Variants in BACH1 observed in about 807,000 individuals in gnomAD.
BACH1 encodes BTB domain and CNC homolog 1.
In BACH1, 35 loss-of-function variants were observed where a neutral mutation model predicts 52.9. That is an observed-to-expected ratio of 0.66 (90% CI 0.51 to 0.88). BACH1 has a LOEUF of 0.88. Among genes scored for constraint, BACH1 ranks in the 40% least tolerant of loss-of-function variants. BACH1 has a pLI of 0.00. For synonymous variants in BACH1, 321 were observed against 319.6 expected (o/e 1.00, Z -0.05); for missense variants, 808 against 872.6 (o/e 0.93, Z 0.93).
chr21:29,346,761 G>T (rs2089171202), downstream of BACH1, among the ~76,000 whole-genome samples: 2 of 152,222 alleles, frequency 1.3e-5, no homozygotes, highest in African/African-American at 4.8e-5. Flanking sequence ...AAAGTGCTCA[G>T]TTGTGTGAGA....
At chr21:29,358,824 A>G (rs999621601) in intron 2 of BACH1, among the ~76,000 whole-genome samples, 1 of 149,028 alleles carries the variant, frequency 6.7e-6, no homozygotes, top group Non-Finnish European at 1.5e-5. Flanking sequence ...GAAGAAAGAA[A>G]GAAATGTAAA....
intron 3 of BACH1, among the ~76,000 whole-genome samples, chr21:29,328,032 C>G (rs1364906215): frequency 1.3e-5 from 2 of 152,186 alleles, no homozygotes; most frequent in African/African-American, 2.4e-5. Flanking sequence ...TTGATAACTC[C>G]TGGAAAAATG....
chr21:29,352,115 C>T (rs962530320), intron 2 of BACH1, among the ~76,000 whole-genome samples: 19 of 149,396 alleles, frequency 1.3e-4, no homozygotes, highest in Admixed American at 2.0e-4. Context: ...AGTGCAGTGG[C>T]GCGATCAGAG....
At chr21:29,309,897 G>C (rs1181845986) in intron 1 of BACH1, among the ~76,000 whole-genome samples, 1 of 152,108 alleles carries the variant, frequency 6.6e-6, no homozygotes, top group African/African-American at 2.4e-5. Context: ...GATAGGGTGG[G>C]AGCTACCTAC....
At chr21:29,339,446 A>G (rs914373407) in intron 4 of BACH1, among the ~76,000 whole-genome samples, 4 of 152,092 alleles carry the variant, frequency 2.6e-5, no homozygotes, top group Non-Finnish European at 5.9e-5. Flanking sequence ...TTACTAAGGA[A>G]CTATTAGTGA....
chr21:29,327,340 A>G lies in BACH1; in HGVS notation c.1516A>G (p.Thr506Ala), dbSNP rs2088925863. 3 of 1,614,102 alleles carry G rather than the reference A, an allele frequency of 1.9e-6. No individual in the cohort carries two copies. The highest frequency in any genetic ancestry group is 2.5e-6 in the Non-Finnish European group (3 of 1,180,054). The change falls in exon 3 of 5, where the codon ACG (threonine) becomes GCG (alanine). Residue 506 changes from threonine (T) to alanine (A), a missense_variant. By Grantham distance (58) the Thr-to-Ala change is moderately conservative. Transcript: ENST00000286800. Reference sequence around the variant, plus strand: ...CATTAGCTTGGGAGACGACTCTGAGACGGACACCGAAGGAGACAGTGAATC... The same window carrying G: ...CATTAGCTTGGGAGACGACTCTGAGGCGGACACCGAAGGAGACAGTGAATC... ...CVISLGDDSETDTEGDSESCS... is the reference protein window; with the variant it reads ...CVISLGDDSEADTEGDSESCS...
downstream of BACH1, among the ~76,000 whole-genome samples, chr21:29,346,894 A>G (rs2089172212): frequency 6.6e-6 from 1 of 152,196 alleles, no homozygotes; most frequent in African/African-American, 2.4e-5. Context: ...GCCACTTGGC[A>G]CAAATAAGCC....
At position 29,345,666 on chromosome 21, in the gene BACH1, A is replaced by T. The variant is rs1274568184; in HGVS notation, c.*2833A>T. On this transcript the variant is annotated 3_prime_UTR_variant, in exon 5 of 5. Transcript: ENST00000286800. ...TTAAATAAGGAAATAAGTATGTTAG[A>T]TGCAGTAGACGATACAGGTTGCATG... 6.6e-6 allele frequency: 1 copy of T among 152,632 alleles called. No homozygotes were observed. Among genetic ancestry groups the T allele is most frequent in the Non-Finnish European group, 1.5e-5 (1 of 68,026 alleles). The allele number at this position is 152,632 out of a possible 1,614,324, so 9.5% of individuals were successfully genotyped here.
At chr21:29,319,782 G>T (rs377270368) in intron 1 of BACH1, among the ~76,000 whole-genome samples, 1 of 150,246 alleles carries the variant, frequency 6.7e-6, no homozygotes, top group Non-Finnish European at 1.5e-5. Flanking sequence ...GCTTGGTTGG[G>T]AGGGCAGTGT....
chr21:29,303,670 A>G (rs1294802011), intron 1 of BACH1, among the ~76,000 whole-genome samples: 3 of 152,202 alleles, frequency 2.0e-5, no homozygotes, highest in African/African-American at 7.2e-5. Context: ...CTTGTGACTT[A>G]TTTTTACCCA....
chr21:29,347,512 G>A (rs1227236362), downstream of BACH1, among the ~76,000 whole-genome samples: 2 of 152,206 alleles, frequency 1.3e-5, no homozygotes, highest in Non-Finnish European at 2.9e-5. Context: ...GGAAGTCTTA[G>A]GGAAGAGTGT....
intron 2 of BACH1, among the ~76,000 whole-genome samples, chr21:29,354,010 G>T (rs2089218441): frequency 6.6e-6 from 1 of 152,156 alleles, no homozygotes. Context: ...GAAAATCTGA[G>T]ATTTACCCTC....
At position 29,321,476 on chromosome 21, in the gene BACH1, C is replaced by T. The variant is rs1296267111; in HGVS notation, c.196C>T (p.Gln66Ter). The T allele has an allele frequency of 6.2e-7, 1 of 1,614,140 alleles. No individual in the cohort carries two copies. The highest frequency in any genetic ancestry group is 8.5e-7 in the Non-Finnish European group (1 of 1,180,016). ...SSYFHSRIVG[Q>*]ADGELNITLP... ...TTACTTCCACTCAAGAATCGTAGGC[C>T]AGGCTGATGGAGAGCTGAACATTAC... Residue 66 changes from glutamine to a stop codon, truncating the protein, a stop_gained, in exon 2 of 5, where the codon CAG becomes TAG. Coordinates refer to ENST00000286800, the MANE Select transcript of BACH1 (RefSeq NM_001186.4). LOFTEE classifies it high-confidence loss of function.
chr21:29,325,125 G>A (rs984441647), intron 2 of BACH1, among the ~76,000 whole-genome samples: 1 of 152,116 alleles, frequency 6.6e-6, no homozygotes, highest in Non-Finnish European at 1.5e-5. Flanking sequence ...AGCTGCTCGG[G>A]AGGCTGAGGC....
intron 1 of BACH1, among the ~76,000 whole-genome samples, chr21:29,309,334 A>T (rs2088694590): frequency 6.6e-6 from 1 of 151,998 alleles, no homozygotes; most frequent in Non-Finnish European, 1.5e-5. Context: ...ATGCCCATTT[A>T]ATCTGTTTGT....
intron 2 of BACH1, among the ~76,000 whole-genome samples, chr21:29,325,000 G>C (rs937453070): frequency 6.6e-6 from 1 of 152,104 alleles, no homozygotes; most frequent in African/African-American, 2.4e-5. Context: ...AGGCCTAGGC[G>C]AGTGGATCAC....
intron 1 of BACH1, among the ~76,000 whole-genome samples, chr21:29,308,228 T>C (rs1352912163): frequency 1.3e-5 from 2 of 152,242 alleles, no homozygotes; most frequent in African/African-American, 4.8e-5. Context: ...ATCCTCATTT[T>C]AGAAATGATT....
intron 4 of BACH1, among the ~76,000 whole-genome samples, chr21:29,332,317 A>G (rs143158746): frequency 1.2e-3 from 181 of 152,326 alleles, no homozygotes; most frequent in African/African-American, 4.1e-3. Flanking sequence ...TGCTTCTGTC[A>G]TCATAGTAAG....
chr21:29,304,852 G>C (rs910330060), intron 1 of BACH1, among the ~76,000 whole-genome samples: 1 of 152,142 alleles, frequency 6.6e-6, no homozygotes, highest in Admixed American at 6.5e-5. Context: ...GTGTGCCAGC[G>C]TCTTTCAGAA....
Sources: allele counts gnomAD v4.1 joint callset (sites outside exome capture counted in the v4.1 genomes callset), GRCh38; gene constraint gnomAD v4.1.1; transcripts MANE v1.5; gene names NCBI Gene and HGNC (gene_info 2026-07-23, HGNC 2026-07-21).